Variants in EIPR1 observed in about 807,000 individuals in gnomAD.
EIPR1 encodes EARP and GARP complex-interacting protein 1.
A neutral mutation model predicts 48.1 loss-of-function variants in EIPR1; 25 were observed. The ratio of observed to expected loss-of-function variants is 0.52; its 90% CI spans 0.38 to 0.73. EIPR1 has a LOEUF of 0.73. Among genes scored for constraint, EIPR1 ranks in the 30% least tolerant of loss-of-function variants. EIPR1 has a pLI of 0.00. For synonymous variants in EIPR1, 204 were observed against 201.9 expected (o/e 1.01, Z -0.09); for missense variants, 415 against 506.2 (o/e 0.82, Z 1.73).
intron 4 of EIPR1, among the ~76,000 whole-genome samples, chr2:3,253,175 T>C (rs1667053675): frequency 6.6e-6 from 1 of 152,216 alleles, no homozygotes; most frequent in Non-Finnish European, 1.5e-5. Context: ...TTTCAGTTGA[T>C]CTCAGGTCTT....
chr2:3,260,463 C>T, intron 3 of EIPR1, among the ~76,000 whole-genome samples: 1 of 126,046 alleles, frequency 7.9e-6, no homozygotes, highest in Non-Finnish European at 1.6e-5. Context: ...TGCACTACAA[C>T]CTGGGCAACA....
intron 4 of EIPR1, among the ~76,000 whole-genome samples, chr2:3,235,808 G>A (rs967046794): frequency 6.6e-5 from 10 of 152,100 alleles, no homozygotes; most frequent in African/African-American, 2.2e-4. Flanking sequence ...AGATTTCCTG[G>A]TATTTATTGA....
At chr2:3,311,730 C>A (rs374440974) in intron 3 of EIPR1, among the ~76,000 whole-genome samples, 3 of 148,566 alleles carry the variant, frequency 2.0e-5, no homozygotes, top group Non-Finnish European at 4.5e-5. Context: ...GAGGTGTGGG[C>A]GGCAGCTCCA....
chr2:3,339,674 C>A (rs12614298), intron 2 of EIPR1, among the ~76,000 whole-genome samples: 1 of 151,850 alleles, frequency 6.6e-6, no homozygotes, highest in Non-Finnish European at 1.5e-5. Flanking sequence ...ATGGGCTGGG[C>A]GCGGTGGCTC....
At chr2:3,209,429 G>A (rs762389029) in intron 5 of EIPR1, among the ~76,000 whole-genome samples, 13 of 152,202 alleles carry the variant, frequency 8.5e-5, no homozygotes, top group African/African-American at 1.9e-4. Flanking sequence ...AGGGAAGCTC[G>A]GACTCCGTGT....
At chr2:3,208,732 G>A (rs764906111) in intron 5 of EIPR1, 610 of 1,548,620 alleles carry the variant, frequency 3.9e-4, no homozygotes, top group Non-Finnish European at 5.0e-4. Context: ...CGTGAGGCTC[G>A]TGGCGGGTCC....
chr2:3,364,645 A>AG (rs1558321670), intron 1 of EIPR1, among the ~76,000 whole-genome samples: 4 of 152,000 alleles, frequency 2.6e-5, no homozygotes, highest in Non-Finnish European at 4.4e-5. Context: ...TCTCAAAAAA[A>AG]AAAGAAAGAA....
rs530913256 is a variant in EIPR1 at position 3,278,620 on chromosome 2, C to T, written c.260-21165G>A. On this transcript the variant is annotated intron_variant, in intron 3 of 8. Coordinates refer to ENST00000382125, the MANE Select transcript of EIPR1 (RefSeq NM_003310.5). ...GTTGGCCTGGCCTGGCCTGCTCTAC[C>T]GGAGGCTCCACTTGTGGCCATTTCT... 8.5e-5 allele frequency among the ~76,000 whole-genome samples: 13 copies of T among 152,280 alleles called. No individual in the cohort carries two copies. The South Asian group carries it at 1.7e-3, about 19-fold the overall frequency.
intron 3 of EIPR1, among the ~76,000 whole-genome samples, chr2:3,302,308 C>A (rs1668786035): frequency 6.6e-6 from 1 of 152,132 alleles, no homozygotes; most frequent in Non-Finnish European, 1.5e-5. Flanking sequence ...GCCTGGGCAG[C>A]ACAGCAAGAC....
At chr2:3,301,132 T>C (rs1027188192) in intron 3 of EIPR1, 1 of 152,170 alleles carries the variant, frequency 6.6e-6, no homozygotes, top group Non-Finnish European at 1.5e-5. Flanking sequence ...TGACAGTTTC[T>C]TTGGACAAGC....
chr2:3,289,699 G>A (rs927437286), intron 3 of EIPR1, among the ~76,000 whole-genome samples: 2 of 152,172 alleles, frequency 1.3e-5, no homozygotes, highest in Non-Finnish European at 2.9e-5. Flanking sequence ...TCTCCCCGAC[G>A]CAGGCTCCCA....
At chr2:3,313,776 G>T (rs909508128) in intron 3 of EIPR1, among the ~76,000 whole-genome samples, 6 of 152,186 alleles carry the variant, frequency 3.9e-5, no homozygotes, top group Admixed American at 6.5e-5. Context: ...AACTGTCTTT[G>T]TTCCCATGAG....
chr2:3,217,258 G>A (rs569016243), intron 4 of EIPR1, among the ~76,000 whole-genome samples: 2 of 152,334 alleles, frequency 1.3e-5, no homozygotes, highest in South Asian at 4.1e-4. Context: ...ACACTAGCAT[G>A]TACTCACAAA....
chr2:3,282,980 T>C (rs1668060583), intron 3 of EIPR1, among the ~76,000 whole-genome samples: 1 of 152,262 alleles, frequency 6.6e-6, no homozygotes, highest in Non-Finnish European at 1.5e-5. Context: ...GGAATAGCCC[T>C]GAATACCTAG....
intron 2 of EIPR1, chr2:3,353,261 T>G (rs1411369166): frequency 2.3e-5 from 11 of 471,074 alleles, no homozygotes; most frequent in South Asian, 1.7e-4. Context: ...GTGAAAAGCA[T>G]CTGAAGATAA....
At position 3,311,555 on chromosome 2, in the gene EIPR1, T is replaced by C. The variant is rs563965080; in HGVS notation, c.259+26462A>G. Among the ~76,000 whole-genome samples the C allele has an allele frequency of 2.0e-5, 3 of 152,294 alleles. No individual in the cohort carries two copies. The South Asian group carries it at 6.2e-4, about 32-fold the overall frequency. ...TTACAACAGTTTCTTTTTCTTCTAT[T>C]CATTTAGTTCAAAAAATGTTGAGGC... On this transcript the variant is annotated intron_variant, in intron 3 of 8. Coordinates refer to ENST00000382125, the MANE Select transcript of EIPR1 (RefSeq NM_003310.5).
At chr2:3,339,257 G>A (rs1481644041) in intron 2 of EIPR1, among the ~76,000 whole-genome samples, 1 of 152,148 alleles carries the variant, frequency 6.6e-6, no homozygotes, top group Non-Finnish European at 1.5e-5. Flanking sequence ...AATTATAGGT[G>A]GTTTTCCTTT....
At chr2:3,277,328 T>C (rs895931404) in intron 3 of EIPR1, among the ~76,000 whole-genome samples, 3 of 152,112 alleles carry the variant, frequency 2.0e-5, no homozygotes, top group African/African-American at 4.8e-5. Context: ...ATTCAACGCA[T>C]TGAAACTACA....
chr2:3,310,108 T>C (rs1669077255), intron 3 of EIPR1, among the ~76,000 whole-genome samples: 1 of 152,090 alleles, frequency 6.6e-6, no homozygotes, highest in Admixed American at 6.5e-5. Context: ...GTCACCACAC[T>C]CTGTTAGAGA....
Sources: gnomAD v4.1 joint callset for allele counts (sites outside exome capture counted in the v4.1 genomes callset) on GRCh38, gnomAD v4.1.1 for gene constraint, MANE v1.5 for transcripts, NCBI Gene and HGNC (gene_info 2026-07-23, HGNC 2026-07-21) for gene names.